Variants in MRNIP observed in about 807,000 individuals in gnomAD.
MRNIP encodes MRN complex interacting protein, also known as MRN complex-interacting protein.
Under a neutral mutation model 29.8 loss-of-function variants are expected in MRNIP, and 30 were observed. The observed-to-expected ratio is 1.01, with a 90% CI of 0.75 to 1.36. The LOEUF (loss-of-function observed/expected upper bound fraction) is 1.36. MRNIP is among the 40% of genes most tolerant of loss of function. The pLI is 0.00. For synonymous variants in MRNIP, 201 were observed against 164.1 expected, an observed-to-expected ratio of 1.23 and a Z score of -1.72; for missense variants, 459 against 423.5, an observed-to-expected ratio of 1.08 and a Z score of -0.74.
In MRNIP at chr5:179,842,011, G is replaced by C. The variant is rs61736195; in HGVS notation, c.345C>G (p.Ser115=). Residue 115 remains serine, a synonymous_variant, in exon 5 of 7, where the codon TCC becomes TCG. Coordinates refer to ENST00000292586, the MANE Select transcript of MRNIP (RefSeq NM_016175.4). ...CTGTTCCTTCCAGCTCCAGTTCTTGGGAGTCCTTTTCTAGATACTTCAGCC... is the reference window on the plus strand; with the variant it reads ...CTGTTCCTTCCAGCTCCAGTTCTTGCGAGTCCTTTTCTAGATACTTCAGCC... ...SRWLKYLEKD[S]QELELEGTGV... 0.01 allele frequency: 16,390 copies of C among 1,614,004 alleles called. 131 individuals carry two copies. Among genetic ancestry groups the C allele is most frequent in the African/African-American group, 0.033 (2,465 of 74,970 alleles).
chr5:179,856,259 T>C (rs1759577291), intron 1 of MRNIP, among the ~76,000 whole-genome samples: 1 of 152,104 alleles, frequency 6.6e-6, no homozygotes, highest in African/African-American at 2.4e-5. Context: ...AAGGAATTAA[T>C]TGTGGGAACT....
chr5:179,849,925 G>A (rs1485269968), intron 2 of MRNIP, among the ~76,000 whole-genome samples: 4 of 150,210 alleles, frequency 2.7e-5, no homozygotes, highest in Non-Finnish European at 4.4e-5. Flanking sequence ...CTCGGGTCCC[G>A]CTATCGCACA....
chr5:179,840,975 C>T lies in MRNIP; in HGVS notation c.450-16G>A, dbSNP rs762798451. The stretch of plus-strand genomic sequence containing the variant: ...GCTCCACTTCCTGTCAGGACAGGAC[C>T]GTCAGTAGTCCCGTGCTACTCTCCA... On this transcript the variant is annotated splice_polypyrimidine_tract_variant and intron_variant, in intron 5 of 6. Coordinates refer to ENST00000292586, the MANE Select transcript of MRNIP (RefSeq NM_016175.4). 1.7e-5 allele frequency: 26 copies of T among 1,561,692 alleles called. No homozygotes were observed. Among genetic ancestry groups the T allele is most frequent in the East Asian group, 9.2e-5 (4 of 43,372 alleles).
intron 5 of MRNIP, 61 bp from the exon 6 acceptor site, chr5:179,841,020 T>C: frequency 8.0e-7 from 1 of 1,244,884 alleles, no homozygotes; most frequent in Non-Finnish European, 1.1e-6. Context: ...CGAGCCTGAC[T>C]CCACGATCAC....
At chr5:179,843,754 AAAC>A (rs1759011492) in intron 4 of MRNIP, among the ~76,000 whole-genome samples, 1 of 152,000 alleles carries the variant, frequency 6.6e-6, no homozygotes, top group African/African-American at 2.4e-5. Context: ...AAAAAAAACA[AAAC>A]AAAACAAAAC....
chr5:179,853,306 G>A (rs990637897), intron 2 of MRNIP, 72 bp downstream of exon 2: 2 of 1,595,904 alleles, frequency 1.3e-6, no homozygotes, highest in African/African-American at 2.7e-5. Context: ...CCCAGCTGTG[G>A]CATGCTGGGA....
rs1758660529 is a variant in MRNIP at position 179,837,675 on chromosome 5, G to C, written c.748C>G (p.Leu250Val). ...SHVDSEQPRS[L>V]QRDPRPAGPA... ...CCAGCTGGCCTGGGGTCCCTCTGAA[G>C]AGACCTTGGCTGCTCACTGTCCACA... The change falls in exon 7 of 7, where the codon CTT (leucine) becomes GTT (valine). Residue 250 changes from leucine to valine, a missense_variant. Coordinates refer to ENST00000292586, the MANE Select transcript of MRNIP (RefSeq NM_016175.4). The C allele has an allele frequency of 5.0e-6, 8 of 1,614,246 alleles. No individual in the cohort carries two copies. Among genetic ancestry groups the C allele is most frequent in the Non-Finnish European group, 6.8e-6 (8 of 1,180,048 alleles).
intron 4 of MRNIP, among the ~76,000 whole-genome samples, chr5:179,842,581 T>C (rs1435063649): frequency 4.1e-4 from 61 of 148,258 alleles, no homozygotes; most frequent in African/African-American, 9.8e-4. Flanking sequence ...GCACCTGTAG[T>C]CCCAGCTACT....
chr5:179,850,587 A>G (rs974715389), intron 2 of MRNIP, among the ~76,000 whole-genome samples: 5 of 152,170 alleles, frequency 3.3e-5, no homozygotes, highest in Non-Finnish European at 7.3e-5. Context: ...GCTGACGCTG[A>G]CAGAAGCAAT....
At chr5:179,842,161 G>C (rs1758908560) in intron 4 of MRNIP, 97 bp from the exon 5 acceptor site, 1 of 1,200,390 alleles carries the variant, frequency 8.3e-7, no homozygotes, top group Admixed American at 2.0e-5. Context: ...GATCTCAGGA[G>C]TCATGTCCAG....
At chr5:179,843,035 GAGGAAAGA>G (rs1554093084) in intron 4 of MRNIP, among the ~76,000 whole-genome samples, 5 of 60,756 alleles carry the variant, frequency 8.2e-5, no homozygotes, top group East Asian at 5.6e-4. Flanking sequence ...CTGTCGAAAG[GAGGAAAGA>G]AGGAAGGAAG....
intron 3 of MRNIP, chr5:179,847,071 A>C (rs1460232799): frequency 6.6e-6 from 1 of 150,800 alleles, no homozygotes; most frequent in African/African-American, 2.4e-5. Flanking sequence ...AGAGTTGTAT[A>C]CCAACGTTAG....
chr5:179,851,058 G>T (rs1251233253), intron 2 of MRNIP: 1 of 370,852 alleles, frequency 2.7e-6, no homozygotes, highest in Non-Finnish European at 5.4e-6. Flanking sequence ...GAGAGCAAGA[G>T]AAACGTCTAT....
chr5:179,843,045 G>GGAAGGAAGGAAGGAAGGAAA (rs1758971007), intron 4 of MRNIP, among the ~76,000 whole-genome samples: 1 of 109,696 alleles, frequency 9.1e-6, no homozygotes, highest in Non-Finnish European at 2.0e-5. Flanking sequence ...GAGGAAAGAA[G>GGAAGGAAGGAAGGAAGGAAA]GAAGGAAGGA....
intron 1 of MRNIP, among the ~76,000 whole-genome samples, 176 bp downstream of exon 1, chr5:179,858,555 A>C (rs1759701005): frequency 6.6e-6 from 1 of 152,240 alleles, no homozygotes; most frequent in Non-Finnish European, 1.5e-5. Context: ...AGAACCAAAC[A>C]AAAAGCTCAG....
intron 1 of MRNIP, among the ~76,000 whole-genome samples, chr5:179,857,191 G>GT (rs766119565): frequency 6.6e-6 from 1 of 152,126 alleles, no homozygotes; most frequent in African/African-American, 2.4e-5. Context: ...GCTCACACCC[G>GT]TAACACCAGC....
chr5:179,837,892 G>C lies in MRNIP; in HGVS notation c.538-7C>G. The C allele has an allele frequency of 6.2e-7, 1 of 1,600,144 alleles. No homozygotes were observed. The highest frequency in any genetic ancestry group is 2.2e-5 in the East Asian group (1 of 44,812). On this transcript the variant is annotated splice_region_variant and splice_polypyrimidine_tract_variant and intron_variant, in intron 6 of 6. Transcript: ENST00000292586. Reference sequence around the variant, plus strand: ...ATGTCAGGCCAGCCTGTCCCTGAAAGAGAAGATGGCCATGCCCTCCATGTG... The same window carrying C: ...ATGTCAGGCCAGCCTGTCCCTGAAACAGAAGATGGCCATGCCCTCCATGTG...
At chr5:179,845,986 C>T (rs1028978782) in intron 3 of MRNIP, 4 of 152,210 alleles carry the variant, frequency 2.6e-5, no homozygotes, top group African/African-American at 9.7e-5. Flanking sequence ...GGACGACCAC[C>T]TCCAATAGAG....
chr5:179,840,616 A>C (rs1030975332), intron 6 of MRNIP: 15 of 569,228 alleles, frequency 2.6e-5, no homozygotes, highest in Non-Finnish European at 4.4e-5. Flanking sequence ...CTGCTGGCCA[A>C]CCTCAGTTTC....
Sources: gnomAD v4.1 joint callset for allele counts (sites outside exome capture counted in the v4.1 genomes callset) on GRCh38, gnomAD v4.1.1 for gene constraint, MANE v1.5 for transcripts, NCBI Gene and HGNC (gene_info 2026-07-23, HGNC 2026-07-21) for gene names.